AGBL1: variants seen among roughly 807,000 people sequenced by gnomAD.
The protein encoded by AGBL1 is cytosolic carboxypeptidase 4.
A neutral mutation model predicts 118.9 loss-of-function variants in AGBL1; 130 were observed. That is an observed-to-expected ratio of 1.09 (90% confidence interval 0.95 to 1.26). The LOEUF (loss-of-function observed/expected upper bound fraction) is 1.26, where lower values mean the gene tolerates loss of function less well. Among genes scored for constraint, AGBL1 ranks in the 50% most tolerant of loss-of-function variants. AGBL1 has a pLI of 0.00. For synonymous variants in AGBL1, 555 were observed against 478.9 expected, an observed-to-expected ratio of 1.16 and a Z score of -2.08; for missense variants, 1,584 against 1,298.1, an observed-to-expected ratio of 1.22 and a Z score of -3.38.
chr15:86,484,611 G>T (rs73457622), intron 18 of AGBL1, among the ~76,000 whole-genome samples: 2 of 152,032 alleles, frequency 1.3e-5, no homozygotes, highest in African/African-American at 2.4e-5. Flanking sequence ...CATTTAGTTC[G>T]CCTAAGCTTG....
At chr15:86,796,761 G>A (rs2078578461) in intron 22 of AGBL1, among the ~76,000 whole-genome samples, 2 of 152,278 alleles carry the variant, frequency 1.3e-5, no homozygotes, top group Admixed American at 1.3e-4. Flanking sequence ...TGCTCTACAA[G>A]GCAGAGTTGA....
At chr15:86,439,097 G>A (rs566440159) in intron 18 of AGBL1, among the ~76,000 whole-genome samples, 1 of 152,114 alleles carries the variant, frequency 6.6e-6, no homozygotes, top group African/African-American at 2.4e-5. Flanking sequence ...GAAGAGTCCC[G>A]ATGAGGATGT....
At chr15:86,253,721 T>C (rs1269654917) in intron 7 of AGBL1, among the ~76,000 whole-genome samples, 1 of 152,216 alleles carries the variant, frequency 6.6e-6, no homozygotes, top group Non-Finnish European at 1.5e-5. Context: ...TTTTTTATTT[T>C]TGAAAAATTT....
intron 21 of AGBL1, among the ~76,000 whole-genome samples, chr15:86,662,181 A>G (rs575867149): frequency 6.6e-6 from 1 of 152,244 alleles, no homozygotes; most frequent in East Asian, 1.9e-4. Flanking sequence ...ATCCATGTAA[A>G]TGTGCATACA....
chr15:86,768,158 C>G (rs1187686624), intron 22 of AGBL1, among the ~76,000 whole-genome samples: 1 of 151,928 alleles, frequency 6.6e-6, no homozygotes, highest in East Asian at 1.9e-4. Flanking sequence ...TGGGAATAGT[C>G]TTAGACCCTG....
chr15:86,242,391 C>A (rs1488471957), intron 6 of AGBL1, among the ~76,000 whole-genome samples: 1 of 152,172 alleles, frequency 6.6e-6, no homozygotes, highest in Non-Finnish European at 1.5e-5. Context: ...TCATTTAATT[C>A]TCTCAACAGT....
At chr15:86,094,324 C>T (rs1215672188) in intron 1 of AGBL1, among the ~76,000 whole-genome samples, 1 of 152,080 alleles carries the variant, frequency 6.6e-6, no homozygotes, top group Non-Finnish European at 1.5e-5. Flanking sequence ...ATATTCTAAC[C>T]TGATCACAGG....
intron 20 of AGBL1, among the ~76,000 whole-genome samples, chr15:86,550,728 A>G (rs1048838108): frequency 8.6e-5 from 13 of 152,030 alleles, no homozygotes; most frequent in Non-Finnish European, 1.6e-4. Flanking sequence ...TAGTATGGAG[A>G]ACACCTGACT....
At chr15:86,404,163 C>T (rs1249640603) in intron 18 of AGBL1, among the ~76,000 whole-genome samples, 1 of 152,144 alleles carries the variant, frequency 6.6e-6, no homozygotes, top group Non-Finnish European at 1.5e-5. Flanking sequence ...ATCTTCATAT[C>T]CAGGGTGCCT....
At chr15:86,379,171 T>C (rs4486848) in intron 17 of AGBL1, among the ~76,000 whole-genome samples, 59,179 of 151,606 alleles carry the variant, frequency 0.39, 12,406 homozygotes, top group East Asian at 0.66. Context: ...CCTCAGCCTC[T>C]CAAAGTGCTA....
At chr15:86,718,970 G>T (rs185973199) in intron 22 of AGBL1, among the ~76,000 whole-genome samples, 4 of 151,918 alleles carry the variant, frequency 2.6e-5, no homozygotes, top group African/African-American at 7.3e-5. Flanking sequence ...TTGGCTTCTG[G>T]TCTAACTGCC....
intron 19 of AGBL1, among the ~76,000 whole-genome samples, chr15:86,539,146 C>T (rs1482695850): frequency 6.6e-6 from 1 of 152,128 alleles, no homozygotes; most frequent in Admixed American, 6.5e-5. Flanking sequence ...TAGTCAAAGG[C>T]CCAAAGTTCA....
At chr15:87,015,968 T>A (rs2081604995) in intron 24 of AGBL1, among the ~76,000 whole-genome samples, 1 of 152,166 alleles carries the variant, frequency 6.6e-6, no homozygotes, top group Non-Finnish European at 1.5e-5. Context: ...GCAGCTGTTT[T>A]AAGCAATCTG....
intron 1 of AGBL1, among the ~76,000 whole-genome samples, chr15:86,111,438 T>C (rs1361501695): frequency 1.3e-5 from 2 of 152,146 alleles, no homozygotes; most frequent in Non-Finnish European, 2.9e-5. Flanking sequence ...TGTATCTATT[T>C]TGGAATTTGG....
intron 17 of AGBL1, among the ~76,000 whole-genome samples, chr15:86,380,586 C>G (rs2081101250): frequency 6.6e-6 from 1 of 151,092 alleles, no homozygotes; most frequent in African/African-American, 2.5e-5. Context: ...CACTCCCTCC[C>G]TATGGCATAT....
At chr15:86,442,053 T>TAA (rs1226159260) in intron 18 of AGBL1, among the ~76,000 whole-genome samples, 1 of 152,176 alleles carries the variant, frequency 6.6e-6, no homozygotes, top group African/African-American at 2.4e-5. Context: ...CCTCAGGAAC[T>TAA]GAGAAGGGAG....
At position 86,599,392 on chromosome 15, in the gene AGBL1, A is replaced by C. The variant is rs114441564; in HGVS notation, c.2994+44855A>C. 8.3e-3 allele frequency among the ~76,000 whole-genome samples: 1,263 copies of C among 152,118 alleles called. 12 individuals are homozygous for C. Among genetic ancestry groups the C allele is most frequent in the African/African-American group, 0.028 (1,182 of 41,520 alleles). On this transcript the variant is annotated intron_variant, in intron 21 of 22. Coordinates refer to ENST00000614907, the MANE Select transcript of AGBL1 (RefSeq NM_001386094.1). ...AAATTTGCCATTGAACATGTTAACC[A>C]TGCAGGGTCAAATTGTCTCTATATT...
In AGBL1 at chr15:86,862,674, C is replaced by T. The variant is rs148978175; in HGVS notation, c.3159-44413C>T. 5.9e-5 allele frequency among the ~76,000 whole-genome samples: 9 copies of T among 152,242 alleles called. No homozygotes were observed. In the East Asian group the frequency reaches 1.4e-3, roughly 23 times the overall value. On this transcript the variant is annotated intron_variant, in intron 22 of 22. Transcript: ENST00000614907. ...GGCAAAGGTCACAGTGAGCTGAGAT[C>T]GCGCCATTGCACTCCAGCCTGGTTG...
At chr15:87,020,037 T>C (rs1946621) in intron 24 of AGBL1, among the ~76,000 whole-genome samples, 53,984 of 151,590 alleles carry the variant, frequency 0.36, 10,233 homozygotes, top group East Asian at 0.5. Context: ...CCTGGACATA[T>C]GCACCCACCC....
Sources: gnomAD v4.1 joint callset for allele counts (sites outside exome capture counted in the v4.1 genomes callset) on GRCh38, gnomAD v4.1.1 for gene constraint, MANE v1.5 for transcripts, NCBI Gene and HGNC (gene_info 2026-07-23, HGNC 2026-07-21) for gene names.